Variants in NXPE2 observed in about 807,000 individuals in gnomAD.
The protein encoded by NXPE2 is NXPE family member 2.
A neutral mutation model predicts 34.4 loss-of-function variants in NXPE2; 34 were observed. The observed-to-expected ratio is 0.99, with a 90% CI of 0.75 to 1.31. The LOEUF (loss-of-function observed/expected upper bound fraction) is 1.31. Ranked by LOEUF, NXPE2 falls within the 40% of genes most tolerant of loss-of-function variation. NXPE2 has a pLI of 0.00. For synonymous variants in NXPE2, 235 were observed against 231.3 expected (o/e 1.02, Z -0.15); for missense variants, 649 against 672.5 (o/e 0.97, Z 0.39).
the NXPE2 span, among the ~76,000 whole-genome samples, chr11:114,632,691 T>C: frequency 6.4e-5 from 5 of 77,538 alleles, no homozygotes; most frequent in African/African-American, 2.6e-4. Flanking sequence ...TATATAAATT[T>C]ATATATTTAT....
chr11:114,604,160 A>G, the NXPE2 span, among the ~76,000 whole-genome samples: 1 of 151,956 alleles, frequency 6.6e-6, no homozygotes, highest in Non-Finnish European at 1.5e-5. Context: ...GAAAATAAGT[A>G]TTGCCTCGCA....
chr11:114,696,539 A>T (rs1300144543), intron 2 of NXPE2, among the ~76,000 whole-genome samples: 1 of 152,130 alleles, frequency 6.6e-6, no homozygotes, highest in Non-Finnish European at 1.5e-5. Context: ...ATTACCAAGA[A>T]TAAATAAGAT....
the NXPE2 span, among the ~76,000 whole-genome samples, chr11:114,740,051 T>C: frequency 6.6e-6 from 1 of 152,196 alleles, no homozygotes. Context: ...ATACTATGTT[T>C]TTTTCCTGTA....
the NXPE2 span, chr11:114,554,327 T>C: frequency 1.0e-6 from 1 of 985,172 alleles, no homozygotes; most frequent in Non-Finnish European, 1.2e-6. Context: ...CTCCAGGTTC[T>C]CTTTCCTCTT....
At chr11:114,620,530 A>G in the NXPE2 span, among the ~76,000 whole-genome samples, 25 of 143,478 alleles carry the variant, frequency 1.7e-4, no homozygotes, top group African/African-American at 1.6e-4. Flanking sequence ...TTAAGGCGGT[A>G]GATAATAAGT....
chr11:114,596,770 A>G, the NXPE2 span, among the ~76,000 whole-genome samples: 1 of 152,216 alleles, frequency 6.6e-6, no homozygotes. Flanking sequence ...ACCCAAGTTC[A>G]CAGTCTACTC....
the NXPE2 span, among the ~76,000 whole-genome samples, chr11:114,727,972 G>T: frequency 6.6e-6 from 1 of 152,184 alleles, no homozygotes; most frequent in East Asian, 1.9e-4. Context: ...TAAGGATAAA[G>T]TCAAGGTGTT....
the NXPE2 span, among the ~76,000 whole-genome samples, chr11:114,617,575 G>C: frequency 1.3e-5 from 2 of 152,124 alleles, no homozygotes; most frequent in South Asian, 2.1e-4. Context: ...TTGCCTCACG[G>C]GTAACCGGTG....
chr11:114,552,404 T>C, the NXPE2 span, among the ~76,000 whole-genome samples: 3 of 152,180 alleles, frequency 2.0e-5, no homozygotes, highest in African/African-American at 7.2e-5. Context: ...TTCTGAAGAA[T>C]TGGAATAATG....
chr11:114,609,581 C>A, the NXPE2 span, among the ~76,000 whole-genome samples: 1 of 151,296 alleles, frequency 6.6e-6, no homozygotes, highest in Non-Finnish European at 1.5e-5. Flanking sequence ...ACCACTGTTA[C>A]CATGTGGATA....
chr11:114,530,259 A>C, the NXPE2 span: 1 of 1,613,992 alleles, frequency 6.2e-7, no homozygotes, highest in Non-Finnish European at 8.5e-7. Flanking sequence ...CTCACAGGGC[A>C]TGTGTTGAGG....
the NXPE2 span, among the ~76,000 whole-genome samples, chr11:114,598,092 T>A: frequency 6.6e-6 from 1 of 152,130 alleles, no homozygotes; most frequent in Non-Finnish European, 1.5e-5. Context: ...TGTAAAAAAA[T>A]TCCCTTTTAC....
At chr11:114,663,710 CTATCTGAT>C in the NXPE2 span, among the ~76,000 whole-genome samples, 2 of 151,534 alleles carry the variant, frequency 1.3e-5, no homozygotes, top group African/African-American at 4.9e-5. Flanking sequence ...ATCTATCTAT[CTATCTGAT>C]CTACCTACCT....
chr11:114,489,145 C>T, the NXPE2 span, among the ~76,000 whole-genome samples: 23 of 152,072 alleles, frequency 1.5e-4, no homozygotes, highest in African/African-American at 5.6e-4. Flanking sequence ...TACACCCTCC[C>T]AAGACTAAAC....
At chr11:114,571,283 G>T in the NXPE2 span, 3 of 1,613,984 alleles carry the variant, frequency 1.9e-6, no homozygotes, top group Admixed American at 5.0e-5. Context: ...AAATAACAAT[G>T]ACAGTATTTT....
chr11:114,636,187 C>G, the NXPE2 span, among the ~76,000 whole-genome samples: 1 of 152,034 alleles, frequency 6.6e-6, no homozygotes, highest in Admixed American at 6.5e-5. Context: ...CTGGTTTAGT[C>G]TTAGGAGGGT....
the NXPE2 span, among the ~76,000 whole-genome samples, chr11:114,609,740 C>G: frequency 6.6e-6 from 1 of 151,718 alleles, no homozygotes; most frequent in African/African-American, 2.4e-5. Context: ...TCATGGATAA[C>G]CACTGTTACC....
the NXPE2 span, among the ~76,000 whole-genome samples, chr11:114,564,206 G>A: frequency 6.6e-6 from 1 of 152,172 alleles, no homozygotes; most frequent in South Asian, 2.1e-4. Context: ...CTCAGGAATG[G>A]AAAACCAAAC....
the NXPE2 span, among the ~76,000 whole-genome samples, chr11:114,768,211 C>T: frequency 2.0e-5 from 3 of 151,966 alleles, no homozygotes; most frequent in Non-Finnish European, 2.9e-5. Flanking sequence ...GTCAAAGATC[C>T]GATGGTTGTA....
Sources: allele counts gnomAD v4.1 joint callset (sites outside exome capture counted in the v4.1 genomes callset), GRCh38; gene constraint gnomAD v4.1.1; transcripts MANE v1.5; gene names NCBI Gene and HGNC (gene_info 2026-07-23, HGNC 2026-07-21).